Variants in STYXL1 observed in about 807,000 individuals in gnomAD.
The protein encoded by STYXL1 is serine/threonine/tyrosine interacting like 1.
STYXL1 carries 32 observed loss-of-function variants against 36.4 expected under a neutral mutation model. The observed-to-expected ratio is 0.88, with a 90% CI of 0.66 to 1.18. The LOEUF (loss-of-function observed/expected upper bound fraction) is 1.18, where lower values mean the gene tolerates loss of function less well. Ranked by LOEUF, STYXL1 falls within the 50% of genes most tolerant of loss-of-function variation. STYXL1 has a pLI of 0.00. For synonymous variants in STYXL1, 133 were observed against 144.1 expected (o/e 0.92, Z 0.55); for missense variants, 354 against 394.1 (o/e 0.90, Z 0.86).
At chr7:76,000,597 T>C (rs1158433533) in intron 8 of STYXL1, 3 of 524,736 alleles carry the variant, frequency 5.7e-6, no homozygotes, top group African/African-American at 1.9e-5. Context: ...CAGTTCTCCC[T>C]TGGGCAACAC....
chr7:76,003,373 T>G (rs1420571348), intron 7 of STYXL1, among the ~76,000 whole-genome samples: 1 of 152,152 alleles, frequency 6.6e-6, no homozygotes, highest in Non-Finnish European at 1.5e-5. Context: ...AGACCAAGGA[T>G]GAAGGCGGGG....
At chr7:76,012,394 T>C (rs1554572483) in intron 5 of STYXL1, among the ~76,000 whole-genome samples, 1 of 151,900 alleles carries the variant, frequency 6.6e-6, no homozygotes, top group Non-Finnish European at 1.5e-5. Flanking sequence ...ACCCATCTCT[T>C]TTCTAAATTA....
At chr7:76,008,945 T>C (rs1435043644) in intron 5 of STYXL1, among the ~76,000 whole-genome samples, 11 of 151,848 alleles carry the variant, frequency 7.2e-5, no homozygotes, top group Non-Finnish European at 1.3e-4. Context: ...GAGGTTGCAG[T>C]AAGCCCAGAT....
chr7:75,999,557 T>A (rs71539272), intron 8 of STYXL1, among the ~76,000 whole-genome samples: 31,017 of 142,898 alleles, frequency 0.22, 3,666 homozygotes, highest in Middle Eastern at 0.36. Context: ...GTGTGTATAT[T>A]TTTTTTTGAG....
intron 1 of STYXL1, among the ~76,000 whole-genome samples, chr7:76,047,329 C>T (rs145219065): frequency 6.6e-6 from 1 of 152,210 alleles, no homozygotes; most frequent in Non-Finnish European, 1.5e-5. Flanking sequence ...GACTTTCTGT[C>T]TGCGTAAACT....
intron 8 of STYXL1, among the ~76,000 whole-genome samples, chr7:75,998,027 C>A (rs1325100605): frequency 6.6e-6 from 1 of 152,124 alleles, no homozygotes; most frequent in African/African-American, 2.4e-5. Flanking sequence ...TCAAAGTAAT[C>A]CACAGGTTTA....
chr7:76,043,810 TC>T (rs1347218183), intron 1 of STYXL1, among the ~76,000 whole-genome samples: 1 of 152,160 alleles, frequency 6.6e-6, no homozygotes, highest in Non-Finnish European at 1.5e-5. Flanking sequence ...ACTACTGTCC[TC>T]CTCAAATGTG....
chr7:76,038,596 G>A (rs1585338319), intron 1 of STYXL1, among the ~76,000 whole-genome samples: 1 of 150,494 alleles, frequency 6.6e-6, no homozygotes, highest in East Asian at 2.0e-4. Flanking sequence ...TGGCTTTTTT[G>A]TATTTTTTTT....
At chr7:76,046,946 TG>T (rs1797191615) in intron 1 of STYXL1, among the ~76,000 whole-genome samples, 1 of 149,526 alleles carries the variant, frequency 6.7e-6, no homozygotes, top group African/African-American at 2.5e-5. Context: ...CCACCTTGCC[TG>T]GGGGTGTTGT....
chr7:76,002,415 G>T (rs546539188), intron 7 of STYXL1, among the ~76,000 whole-genome samples: 25 of 152,334 alleles, frequency 1.6e-4, no homozygotes, highest in Admixed American at 1.4e-3. Context: ...GGCTGAAGAA[G>T]GACGCAGAGA....
intron 4 of STYXL1, among the ~76,000 whole-genome samples, chr7:76,016,965 C>T (rs1793446789): frequency 6.6e-6 from 1 of 152,138 alleles, no homozygotes; most frequent in African/African-American, 2.4e-5. Context: ...CTGACAACAG[C>T]AAAGACATAG....
At chr7:75,999,720 G>A (rs1391427126) in intron 8 of STYXL1, among the ~76,000 whole-genome samples, 2 of 151,704 alleles carry the variant, frequency 1.3e-5, no homozygotes, top group Non-Finnish European at 1.5e-5. Context: ...GCTAATTTTT[G>A]TATTTTTAGT....
intron 1 of STYXL1, among the ~76,000 whole-genome samples, chr7:76,037,323 C>G (rs1012746109): frequency 3.9e-4 from 58 of 150,522 alleles, no homozygotes; most frequent in African/African-American, 1.3e-3. Flanking sequence ...GGGGGAAGGT[C>G]TGTCACCTTC....
intron 5 of STYXL1, among the ~76,000 whole-genome samples, chr7:76,008,415 G>C (rs1792093981): frequency 6.6e-6 from 1 of 151,954 alleles, no homozygotes; most frequent in African/African-American, 2.4e-5. Flanking sequence ...ACATTTTAAG[G>C]ACCTCAGGCG....
intron 1 of STYXL1, among the ~76,000 whole-genome samples, chr7:76,040,797 T>C (rs528198799): frequency 3.4e-5 from 5 of 146,738 alleles, no homozygotes; most frequent in African/African-American, 7.6e-5. Context: ...AATCGTGCCA[T>C]TGCACTTCAG....
intron 1 of STYXL1, among the ~76,000 whole-genome samples, chr7:76,038,714 C>CTGCGCCCAGCCAAGGGTCAGGAT (rs1796189363): frequency 1.9e-4 from 28 of 150,100 alleles, no homozygotes; most frequent in Middle Eastern, 3.4e-3. Flanking sequence ...GCGTGAGCCA[C>CTGCGCCCAGCCAAGGGTCAGGAT]CGTTGAATGA....
In STYXL1 at chr7:76,028,630, C is replaced by G. The variant is rs1475100260; in HGVS notation, c.165+12G>C. 1 of 1,613,472 alleles carries G rather than the reference C, an allele frequency of 6.2e-7. No homozygotes were observed. The highest frequency in any genetic ancestry group is 8.5e-7 in the Non-Finnish European group (1 of 1,179,710). ...AGCCAGCCTGCCCCAGATCCTGACG[C>G]TGCCCATGTACCTTCTTCACTCGAA... is the stretch of plus-strand genomic sequence containing the variant. On this transcript the variant is annotated intron_variant, in intron 3 of 8. Transcript: ENST00000359697.
At chr7:76,046,891 T>TCGGCC (rs1203216223) in intron 1 of STYXL1, among the ~76,000 whole-genome samples, 1 of 151,482 alleles carries the variant, frequency 6.6e-6, no homozygotes, top group African/African-American at 2.4e-5. Context: ...CCTCAAGTGA[T>TCGGCC]CGGCCCGCCT....
At chr7:75,996,930 G>T (rs1298218117) in intron 8 of STYXL1, among the ~76,000 whole-genome samples, 1 of 152,228 alleles carries the variant, frequency 6.6e-6, no homozygotes, top group Non-Finnish European at 1.5e-5. Flanking sequence ...CTCAACAAAG[G>T]TTTGCATTGT....
Sources: allele counts gnomAD v4.1 joint callset (sites outside exome capture counted in the v4.1 genomes callset), GRCh38; gene constraint gnomAD v4.1.1; transcripts MANE v1.5; gene names NCBI Gene and HGNC (gene_info 2026-07-23, HGNC 2026-07-21).